HTT: variants seen among roughly 807,000 people sequenced by gnomAD.
HTT encodes the protein huntington disease protein.
In HTT, 104 loss-of-function variants were observed where a neutral mutation model predicts 362.3. The ratio of observed to expected loss-of-function variants is 0.29; its 90% CI spans 0.24 to 0.34. The LOEUF (loss-of-function observed/expected upper bound fraction) is 0.34, where lower values mean the gene tolerates loss of function less well. Among genes scored for constraint, HTT ranks in the 10% least tolerant of loss-of-function variants. The pLI is 1.00. For missense variants in HTT, 3,301 were observed against 3,928.6 expected, an observed-to-expected ratio of 0.84 and a Z score of 4.27; for synonymous variants, 1,577 against 1,548.7, an observed-to-expected ratio of 1.02 and a Z score of -0.43.
At chr4:3,225,860 T>C in intron 57 of HTT, 117 bp downstream of exon 57, 1 of 683,250 alleles carries the variant, frequency 1.5e-6, no homozygotes. Context: ...AGTTTTCCTT[T>C]TTTTTAAAAA....
intron 39 of HTT, chr4:3,188,285 T>A (rs6839081): frequency 0.18 from 31,751 of 179,620 alleles, 4,578 homozygotes; most frequent in African/African-American, 0.42. Context: ...GTAATAAAAG[T>A]CTTCTCCCTG....
At chr4:3,162,137 A>G (rs1163014611) in intron 29 of HTT, among the ~76,000 whole-genome samples, 3 of 152,204 alleles carry the variant, frequency 2.0e-5, no homozygotes, top group African/African-American at 7.2e-5. Flanking sequence ...AGTTTTCTGC[A>G]TGTGGCTAGC....
Position 3,208,871 on chromosome 4 carries a change from G to A in HTT, c.6251G>A (p.Gly2084Glu), listed in dbSNP as rs990105314. 6.2e-7 allele frequency: 1 copy of A among 1,613,874 alleles called. No individual in the cohort carries two copies. The highest frequency in any genetic ancestry group is 1.3e-5 in the African/African-American group (1 of 74,916). ...SPPVSSHPLDGDGHVSLETVS... is the reference protein window; with the variant it reads ...SPPVSSHPLDEDGHVSLETVS... ...CCAGTCTCTTCCCACCCGCTGGACG[G>A]GGATGGGCACGTGTCACTGGAAACA... Residue 2084 changes from glycine (G) to glutamate (E), a missense_variant, in exon 46 of 67, where the codon GGG (glycine) becomes GAG (glutamate). By Grantham distance (98) the Gly-to-Glu change is moderately conservative. This residue lies in a region of HTT where 2,316 missense variants were observed against 2,658.5 expected (regional missense o/e 0.87). Transcript: ENST00000355072.
rs1712995649 is a variant in HTT, at chr4:3,082,940, A to G, written c.264-3999A>G. 2.0e-5 allele frequency among the ~76,000 whole-genome samples: 3 copies of G among 152,190 alleles called. No homozygotes were observed. In the South Asian group the frequency reaches 6.2e-4, roughly 32 times the overall value. ...AAACAACCGAATGAGGGGAGAGACA[A>G]TGTGCAATTTTATTTAGGGCACAAA... On this transcript the variant is annotated intron_variant, in intron 1 of 66. Transcript: ENST00000355072.
intron 10 of HTT, 113 bp downstream of exon 10, chr4:3,123,049 C>T (rs1270482122): frequency 1.4e-6 from 1 of 718,826 alleles, no homozygotes. Flanking sequence ...CTGTGTATAT[C>T]TCTTCTCAGA....
rs532126441 is a variant in HTT at position 3,084,841 on chromosome 4, G to A, written c.264-2098G>A. On this transcript the variant is annotated intron_variant, in intron 1 of 66. Coordinates refer to ENST00000355072, the MANE Select transcript of HTT (RefSeq NM_001388492.1). Reference sequence around the variant, plus strand: ...ATCCCGGCTAACACGGTGAAACCCCGTCTCTACTAAAAAATACAAAAAATT... The same window carrying A: ...ATCCCGGCTAACACGGTGAAACCCCATCTCTACTAAAAAATACAAAAAATT... Among the ~76,000 whole-genome samples, 256 of 150,944 alleles carry A rather than the reference G, an allele frequency of 1.7e-3. 2 individuals carry two copies. The highest frequency in any genetic ancestry group is 3.0e-3 in the Admixed American group (46 of 15,160).
chr4:3,204,247 G>A (rs761054319), intron 42 of HTT, 99 bp downstream of exon 42: 72 of 1,181,598 alleles, frequency 6.1e-5, no homozygotes, highest in Non-Finnish European at 7.5e-5. Flanking sequence ...AACCCAGACC[G>A]CCCGGTGTCC....
Position 3,173,012 on chromosome 4 carries a change from T to C in HTT, c.4047T>C (p.Ser1349=), listed in dbSNP as rs1234498344. The change falls in exon 31 of 67, where the codon AGT becomes AGC. Residue 1349 remains serine, a synonymous_variant. Coordinates refer to ENST00000355072, the MANE Select transcript of HTT (RefSeq NM_001388492.1). Reference sequence around the variant, plus strand: ...GAGCACAGCGCCTTGGCTCCTCCAGTGTGAGGCCAGGCTTGTACCACTACT... The same window carrying C: ...GAGCACAGCGCCTTGGCTCCTCCAGCGTGAGGCCAGGCTTGTACCACTACT... ...QGRAQRLGSS[S]VRPGLYHYCF... The C allele has an allele frequency of 1.2e-6, 2 of 1,614,018 alleles. No homozygotes were observed. Among genetic ancestry groups the C allele is most frequent in the Non-Finnish European group, 1.7e-6 (2 of 1,180,020 alleles).
chr4:3,140,382 A>G (rs1019838856), intron 21 of HTT, 128 bp from the exon 22 acceptor site: 4 of 704,308 alleles, frequency 5.7e-6, no homozygotes, highest in Non-Finnish European at 9.5e-6. Flanking sequence ...CACCTGAGAA[A>G]GGGGGCGAGA....
rs374574494 is a variant in HTT, at chr4:3,238,841, C to T, written c.9078C>T (p.Thr3026=). The T allele has an allele frequency of 9.9e-6, 16 of 1,612,134 alleles. No individual in the cohort carries two copies. Among genetic ancestry groups the T allele is most frequent in the African/African-American group, 4.0e-5 (3 of 74,860 alleles). ...VYKVFQTLHS[T]GQSSMVRDWV... ...AGGTGTTTCAGACTCTGCACAGCAC[C>T]GGGCAGTCGTCCATGGTCCGGGACT... Residue 3026 remains threonine, a synonymous_variant, in exon 66 of 67, where the codon ACC becomes ACT. Coordinates refer to ENST00000355072, the MANE Select transcript of HTT (RefSeq NM_001388492.1).
intron 55 of HTT, 29 bp from the exon 56 acceptor site, chr4:3,223,963 A>T (rs199955948): frequency 2.5e-6 from 4 of 1,612,656 alleles, no homozygotes; most frequent in Middle Eastern, 1.7e-4. Context: ...AGGAAACAAA[A>T]CACTCTTTAC....
chr4:3,168,852 G>A (rs998313617), intron 29 of HTT, among the ~76,000 whole-genome samples: 1 of 152,150 alleles, frequency 6.6e-6, no homozygotes, highest in African/African-American at 2.4e-5. Flanking sequence ...ACTCCAGCAT[G>A]GGTGACAGAC....
chr4:3,146,800 G>C lies in HTT; in HGVS notation c.3147G>C (p.Val1049=), dbSNP rs1716625158. Residue 1049 remains valine, a synonymous_variant, in exon 25 of 67, where the codon GTG becomes GTC. Transcript: ENST00000355072. ...CIWSLGWHCG[V]PPLSASDESR... Reference sequence around the variant, plus strand: ...CTTTGCAAATGTCTGCTTCCAGAGTGCCTCCACTGAGTGCCTCAGATGAGT... The same window carrying C: ...CTTTGCAAATGTCTGCTTCCAGAGTCCCTCCACTGAGTGCCTCAGATGAGT... The C allele has an allele frequency of 1.2e-6, 2 of 1,613,760 alleles. No homozygotes were observed. Among genetic ancestry groups the C allele is most frequent in the Non-Finnish European group, 1.7e-6 (2 of 1,179,720 alleles).
At chr4:3,198,162 C>T (rs1398005308) in intron 40 of HTT, among the ~76,000 whole-genome samples, 6 of 150,950 alleles carry the variant, frequency 4.0e-5, no homozygotes, top group Admixed American at 4.0e-4. Flanking sequence ...CCCTAAAAAG[C>T]CTGTACTCTG....
At chr4:3,096,540 G>A (rs1269842266) in intron 2 of HTT, among the ~76,000 whole-genome samples, 3 of 152,200 alleles carry the variant, frequency 2.0e-5, no homozygotes, top group Non-Finnish European at 4.4e-5. Flanking sequence ...GTATCATTAA[G>A]TTGGAATATA....
intron 29 of HTT, among the ~76,000 whole-genome samples, chr4:3,161,662 C>G (rs971599434): frequency 1.3e-5 from 2 of 152,216 alleles, no homozygotes; most frequent in African/African-American, 2.4e-5. Flanking sequence ...CTGCATTTCT[C>G]TAATGACCAG....
intron 1 of HTT, among the ~76,000 whole-genome samples, chr4:3,079,623 A>G (rs765190543): frequency 6.6e-6 from 1 of 152,234 alleles, no homozygotes; most frequent in Non-Finnish European, 1.5e-5. Flanking sequence ...AGGGAGTGCC[A>G]TATCAGACCA....
chr4:3,112,618 C>T (rs1007520655), intron 6 of HTT, among the ~76,000 whole-genome samples: 1 of 152,234 alleles, frequency 6.6e-6, no homozygotes, highest in Non-Finnish European at 1.5e-5. Context: ...AGCTTCATAG[C>T]ATTCCATTGT....
intron 66 of HTT, among the ~76,000 whole-genome samples, chr4:3,239,187 C>T (rs553467967): frequency 3.3e-5 from 5 of 152,262 alleles, no homozygotes; most frequent in Non-Finnish European, 5.9e-5. Flanking sequence ...TCAGAGGGGC[C>T]GGTGTATGGC....
Sources: gnomAD v4.1 joint callset for allele counts (sites outside exome capture counted in the v4.1 genomes callset) on GRCh38, gnomAD v4.1.1 for gene constraint, gnomAD v4.1.1 regional missense constraint, MANE v1.5 for transcripts, NCBI Gene and HGNC (gene_info 2026-07-23, HGNC 2026-07-21) for gene names.